GULP1: variants seen among roughly 807,000 people sequenced by gnomAD.
GULP1 encodes PTB domain-containing engulfment adapter protein 1.
A neutral mutation model predicts 40.9 loss-of-function variants in GULP1; 19 were observed. The observed-to-expected ratio is 0.46, with a 90% CI of 0.32 to 0.68. The LOEUF (loss-of-function observed/expected upper bound fraction) is 0.68, where lower values mean the gene tolerates loss of function less well. GULP1 is among the 30% of genes least tolerant of loss of function. The pLI, the probability that GULP1 is intolerant of heterozygous loss-of-function variation, is 0.03. For missense variants in GULP1, 312 were observed against 362.2 expected, an observed-to-expected ratio of 0.86 and a Z score of 1.12; for synonymous variants, 119 against 117.6, an observed-to-expected ratio of 1.01 and a Z score of -0.08.
chr2:188,545,008 C>T (rs552077851), intron 7 of GULP1, among the ~76,000 whole-genome samples: 1 of 151,936 alleles, frequency 6.6e-6, no homozygotes, highest in African/African-American at 2.4e-5. Flanking sequence ...AAGTACTTAC[C>T]TATAGCAGAG....
chr2:188,412,928 A>G (rs148580231), intron 2 of GULP1, among the ~76,000 whole-genome samples: 4 of 152,274 alleles, frequency 2.6e-5, no homozygotes, highest in Admixed American at 2.6e-4. Flanking sequence ...AACTCTTAAA[A>G]ATAACTTACC....
intron 1 of GULP1, among the ~76,000 whole-genome samples, chr2:188,295,339 A>G (rs1360720212): frequency 6.6e-6 from 1 of 152,174 alleles, no homozygotes; most frequent in Admixed American, 6.5e-5. Flanking sequence ...TGTTGCATGC[A>G]TATCATGCAT....
chr2:188,574,980 AT>A (rs2153443420), intron 9 of GULP1, among the ~76,000 whole-genome samples: 1 of 152,270 alleles, frequency 6.6e-6, no homozygotes, highest in Admixed American at 6.5e-5. Context: ...GAAGGTTGCT[AT>A]TTCTTAGAAA....
At chr2:188,309,839 A>C (rs548221403) in intron 1 of GULP1, among the ~76,000 whole-genome samples, 1 of 152,224 alleles carries the variant, frequency 6.6e-6, no homozygotes, top group Non-Finnish European at 1.5e-5. Context: ...TTCATTCAAC[A>C]TACTTTTTAA....
chr2:188,414,207 A>C (rs1343821263), intron 2 of GULP1, among the ~76,000 whole-genome samples: 1 of 137,572 alleles, frequency 7.3e-6, no homozygotes, highest in Non-Finnish European at 1.5e-5. Context: ...ACAGAGCGAG[A>C]CTCCATCTCA....
At chr2:188,302,261 A>G (rs898521968) in intron 1 of GULP1, among the ~76,000 whole-genome samples, 1 of 152,160 alleles carries the variant, frequency 6.6e-6, no homozygotes, top group Admixed American at 6.5e-5. Flanking sequence ...AAATGAATAA[A>G]TTATGCAGGA....
intron 1 of GULP1, among the ~76,000 whole-genome samples, chr2:188,356,781 A>G (rs2045381334): frequency 1.3e-5 from 2 of 152,134 alleles, no homozygotes; most frequent in Middle Eastern, 3.2e-3. Flanking sequence ...TTCAAAATAT[A>G]CTACTAAGGA....
At chr2:188,521,789 A>G (rs890593650) in intron 4 of GULP1, among the ~76,000 whole-genome samples, 6 of 152,182 alleles carry the variant, frequency 3.9e-5, no homozygotes, top group Admixed American at 1.3e-4. Context: ...TTAAAACAGT[A>G]AAATTGGCCG....
chr2:188,538,995 AT>A (rs892711942), intron 6 of GULP1, among the ~76,000 whole-genome samples: 2 of 150,786 alleles, frequency 1.3e-5, no homozygotes, highest in Admixed American at 6.6e-5. Flanking sequence ...TAGAATCTTT[AT>A]TTTTTTTTCA....
intron 7 of GULP1, among the ~76,000 whole-genome samples, chr2:188,556,688 G>A (rs1053145286): frequency 2.0e-5 from 3 of 152,044 alleles, no homozygotes; most frequent in Admixed American, 2.0e-4. Context: ...ACTTCTTCCT[G>A]TTTTTGAATT....
At chr2:188,357,191 A>G (rs2045447117) in intron 1 of GULP1, among the ~76,000 whole-genome samples, 1 of 152,136 alleles carries the variant, frequency 6.6e-6, no homozygotes, top group South Asian at 2.1e-4. Flanking sequence ...GGCAACCGAA[A>G]CAAAAATAGA....
At chr2:188,535,500 T>C (rs1688702355) in intron 6 of GULP1, among the ~76,000 whole-genome samples, 1 of 151,924 alleles carries the variant, frequency 6.6e-6, no homozygotes, top group Non-Finnish European at 1.5e-5. Flanking sequence ...GTATCCATTT[T>C]CTGGAAAGGA....
At chr2:188,304,404 A>G (rs142543531) in intron 1 of GULP1, among the ~76,000 whole-genome samples, 1 of 152,322 alleles carries the variant, frequency 6.6e-6, no homozygotes, top group Non-Finnish European at 1.5e-5. Flanking sequence ...AAAGAATAGT[A>G]TTTAGAGTGC....
intron 11 of GULP1, chr2:188,591,397 TTC>T (rs1339514824): frequency 6.6e-6 from 1 of 152,034 alleles, no homozygotes; most frequent in Non-Finnish European, 1.5e-5. Flanking sequence ...ATACTTTTAT[TTC>T]TGTTTGATAT....
At chr2:188,486,352 A>G (rs1484732956) in intron 4 of GULP1, among the ~76,000 whole-genome samples, 1 of 152,034 alleles carries the variant, frequency 6.6e-6, no homozygotes, top group African/African-American at 2.4e-5. Flanking sequence ...GTATATAAGT[A>G]GAGAATAAGA....
chr2:188,510,567 C>T (rs981877405), intron 4 of GULP1, among the ~76,000 whole-genome samples: 5 of 151,842 alleles, frequency 3.3e-5, no homozygotes, highest in Admixed American at 2.6e-4. Context: ...CTTACCAAAA[C>T]TTATAAAGCA....
intron 6 of GULP1, among the ~76,000 whole-genome samples, chr2:188,533,210 G>A (rs772878301): frequency 2.6e-5 from 4 of 152,024 alleles, no homozygotes; most frequent in Admixed American, 2.0e-4. Context: ...TTAAAAAATA[G>A]CGTATGATAC....
At chr2:188,592,163 AT>A (rs1703689285) in intron 11 of GULP1, 1 of 151,980 alleles carries the variant, frequency 6.6e-6, no homozygotes, top group African/African-American at 2.4e-5. Flanking sequence ...TTGATAACAC[AT>A]TGACAAATAG....
intron 2 of GULP1, among the ~76,000 whole-genome samples, chr2:188,387,212 G>A (rs997785234): frequency 7.9e-5 from 12 of 151,620 alleles, no homozygotes; most frequent in Admixed American, 7.2e-4. Context: ...CTCCAGCCTG[G>A]GCAATAAGAG....
Sources: allele counts gnomAD v4.1 joint callset (sites outside exome capture counted in the v4.1 genomes callset), GRCh38; gene constraint gnomAD v4.1.1; transcripts MANE v1.5; gene names NCBI Gene and HGNC (gene_info 2026-07-23, HGNC 2026-07-21).